The following TBC1D1 variants were observed in gnomAD, a reference collection of about 807,000 sequenced individuals.
TBC1D1 encodes TBC1 domain family member 1.
A neutral mutation model predicts 125.6 loss-of-function variants in TBC1D1; 89 were observed. The ratio of observed to expected loss-of-function variants is 0.71; its 90% CI spans 0.60 to 0.85. TBC1D1 has a LOEUF of 0.85. Among genes scored for constraint, TBC1D1 ranks in the 40% least tolerant of loss-of-function variants. The pLI is 0.00. For missense variants in TBC1D1, 1,377 were observed against 1,469.2 expected (o/e 0.94, Z 1.03); for synonymous variants, 565 against 564.1 (o/e 1.00, Z -0.02).
chr4:38,061,998 C>T (rs149411105), intron 12 of TBC1D1, among the ~76,000 whole-genome samples: 2 of 152,164 alleles, frequency 1.3e-5, no homozygotes, highest in Non-Finnish European at 2.9e-5. Context: ...GACATCTGTG[C>T]ACCAAAAGCA....
chr4:38,074,613 A>C (rs1236233400), intron 12 of TBC1D1, among the ~76,000 whole-genome samples: 1 of 152,114 alleles, frequency 6.6e-6, no homozygotes, highest in Admixed American at 6.6e-5. Flanking sequence ...AAAGCAGCCG[A>C]CTTCTCCTGC....
intron 10 of TBC1D1, among the ~76,000 whole-genome samples, chr4:38,046,693 C>G (rs1205284612): frequency 6.6e-6 from 1 of 152,126 alleles, no homozygotes; most frequent in African/African-American, 2.4e-5. Context: ...GTAGCTGGCT[C>G]TATGATTATA....
Position 38,069,130 on chromosome 4 carries a change from T to G in TBC1D1, c.2050+14792T>G, listed in dbSNP as rs571888964. Among the ~76,000 whole-genome samples, 22 of 152,282 alleles carry G rather than the reference T, an allele frequency of 1.4e-4. No homozygotes were observed. The Middle Eastern group carries it at 0.01, about 71-fold the overall frequency. On this transcript the variant is annotated intron_variant, in intron 12 of 19. Transcript: ENST00000261439. ...GTTTTGCAGAAGAAGAAATAGAGGC[T>G]TTAGGGGAAAGGGGTCCACTCAAGG...
At chr4:37,941,398 T>C (rs1267224506) in intron 2 of TBC1D1, among the ~76,000 whole-genome samples, 2 of 152,202 alleles carry the variant, frequency 1.3e-5, no homozygotes, top group Admixed American at 6.5e-5. Flanking sequence ...ATTGCATCTA[T>C]TTGATTCTTC....
intron 1 of TBC1D1, among the ~76,000 whole-genome samples, chr4:37,899,153 A>AGTC (rs1715290572): frequency 6.6e-6 from 1 of 151,776 alleles, no homozygotes; most frequent in Admixed American, 6.6e-5. Flanking sequence ...ACGAAAAAGA[A>AGTC]AGAGTAGTTG....
intron 1 of TBC1D1, among the ~76,000 whole-genome samples, chr4:37,899,130 C>T (rs1715279797): frequency 6.6e-6 from 1 of 152,000 alleles, no homozygotes; most frequent in African/African-American, 2.4e-5. Context: ...GGATGGGGCA[C>T]CTTTTCTCTA....
At chr4:38,120,139 A>G (rs929870942) in intron 17 of TBC1D1, 1 of 983,146 alleles carries the variant, frequency 1.0e-6, no homozygotes, top group Non-Finnish European at 1.2e-6. Flanking sequence ...CTTTGTAGGC[A>G]GTGGTGAGAC....
intron 2 of TBC1D1, chr4:37,996,066 G>T: frequency 1.9e-6 from 1 of 515,220 alleles, no homozygotes. Context: ...GAATCCTTTT[G>T]CAAGGCCTAT....
intron 6 of TBC1D1, among the ~76,000 whole-genome samples, chr4:38,022,119 A>G (rs1744166821): frequency 6.6e-6 from 1 of 152,244 alleles, no homozygotes; most frequent in Non-Finnish European, 1.5e-5. Flanking sequence ...GTCATTAGTA[A>G]CGTCTGCTAG....
At chr4:38,000,656 T>A (rs903102342) in intron 2 of TBC1D1, among the ~76,000 whole-genome samples, 48 of 152,228 alleles carry the variant, frequency 3.2e-4, no homozygotes, top group African/African-American at 1.2e-3. Context: ...ACATCAGATG[T>A]GTCAGAGTTT....
At chr4:37,961,186 C>A in intron 2 of TBC1D1, 1 of 879,404 alleles carries the variant, frequency 1.1e-6, no homozygotes, top group Non-Finnish European at 1.7e-6. Flanking sequence ...TTCTATATTT[C>A]TTCCATACTA....
At chr4:37,910,369 A>T (rs1176607758) in intron 2 of TBC1D1, among the ~76,000 whole-genome samples, 1 of 152,226 alleles carries the variant, frequency 6.6e-6, no homozygotes, top group Non-Finnish European at 1.5e-5. Flanking sequence ...CTGTAAGTAT[A>T]AAAAACACAG....
At chr4:38,136,322 G>A (rs1478916237) in intron 19 of TBC1D1, among the ~76,000 whole-genome samples, 2 of 152,172 alleles carry the variant, frequency 1.3e-5, no homozygotes, top group Admixed American at 6.5e-5. Flanking sequence ...CTGTAGGGTG[G>A]AAGAGAGGAT....
rs966317020 is a variant in TBC1D1 at position 38,014,097 on chromosome 4, G to C, written c.418-412G>C. ...GTCATGTTTTGTGAACCACGTTGGA[G>C]ACAGACTTCTCTGGGAGGCGACAGC... is the stretch of plus-strand genomic sequence containing the variant. On this transcript the variant is annotated intron_variant, in intron 2 of 19. Coordinates refer to ENST00000261439, the MANE Select transcript of TBC1D1 (RefSeq NM_015173.4). This position sits in a 1 kb window ranked among gnomAD's most constrained non-coding sequence, Gnocchi z 5.1. Among the ~76,000 whole-genome samples, 1 of 152,206 alleles carries C rather than the reference G, an allele frequency of 6.6e-6. No homozygotes were observed. The highest frequency in any genetic ancestry group is 6.5e-5 in the Admixed American group (1 of 15,286).
At chr4:37,955,846 T>C (rs1248485741) in intron 2 of TBC1D1, among the ~76,000 whole-genome samples, 1 of 152,060 alleles carries the variant, frequency 6.6e-6, no homozygotes, top group East Asian at 1.9e-4. Flanking sequence ...TTATAATACA[T>C]ATTGTCAGGG....
chr4:38,113,867 A>C (rs1303745208), intron 15 of TBC1D1, among the ~76,000 whole-genome samples: 1 of 152,254 alleles, frequency 6.6e-6, no homozygotes, highest in Non-Finnish European at 1.5e-5. Context: ...CTAATGTCTC[A>C]GTATTTTTAT....
chr4:37,967,120 T>C (rs1731218343), intron 2 of TBC1D1, among the ~76,000 whole-genome samples: 1 of 152,226 alleles, frequency 6.6e-6, no homozygotes, highest in Non-Finnish European at 1.5e-5. Flanking sequence ...CACATAAATT[T>C]AGGCTTTGAA....
chr4:38,096,928 A>AT (rs1177806676), intron 14 of TBC1D1, among the ~76,000 whole-genome samples: 1 of 152,204 alleles, frequency 6.6e-6, no homozygotes, highest in East Asian at 1.9e-4. Context: ...GAGAACCGCT[A>AT]TTTTGAAGCT....
chr4:38,104,535 C>T (rs539269787), intron 15 of TBC1D1, among the ~76,000 whole-genome samples: 2 of 152,174 alleles, frequency 1.3e-5, no homozygotes, highest in African/African-American at 2.4e-5. Context: ...GAGCATGTGG[C>T]CCTGCTTCCA....
Sources: allele counts gnomAD v4.1 joint callset (sites outside exome capture counted in the v4.1 genomes callset), GRCh38; gene constraint gnomAD v4.1.1; non-coding constraint Gnocchi (gnomAD v3.1); transcripts MANE v1.5; gene names NCBI Gene and HGNC (gene_info 2026-07-23, HGNC 2026-07-21).